Variants in RIT2 observed in about 807,000 individuals in gnomAD.
The protein encoded by RIT2 is Ras like without CAAX 2.
Under a neutral mutation model 23.7 loss-of-function variants are expected in RIT2, and 24 were observed. The observed-to-expected ratio is 1.01, with a 90% confidence interval of 0.73 to 1.43. The LOEUF (loss-of-function observed/expected upper bound fraction) is 1.43. Ranked by LOEUF, RIT2 falls within the 40% of genes most tolerant of loss-of-function variation. The probability of loss-of-function intolerance (pLI) is 0.00; values close to 1 mark genes in which losing one functional copy is unlikely to be tolerated. For missense variants in RIT2, 236 were observed against 266.9 expected, an observed-to-expected ratio of 0.88 and a Z score of 0.81; for synonymous variants, 107 against 91.1, an observed-to-expected ratio of 1.17 and a Z score of -0.99.
intron 4 of RIT2, among the ~76,000 whole-genome samples, chr18:42,807,508 TGAG>T (rs1333895751): frequency 6.6e-6 from 1 of 152,008 alleles, no homozygotes; most frequent in Non-Finnish European, 1.5e-5. Context: ...TCCCAACTAC[TGAG>T]GAGGCGAAGG....
At chr18:43,088,308 C>T (rs1913334119) in intron 1 of RIT2, among the ~76,000 whole-genome samples, 1 of 152,094 alleles carries the variant, frequency 6.6e-6, no homozygotes, top group Non-Finnish European at 1.5e-5. Context: ...AACAATGAAG[C>T]CAAATTACAA....
intron 3 of RIT2, among the ~76,000 whole-genome samples, chr18:42,963,557 T>A (rs1278909586): frequency 6.6e-6 from 1 of 152,226 alleles, no homozygotes. Context: ...AACATTTTTA[T>A]AATACCTTTC....
chr18:43,086,067 T>C (rs1164012235), intron 1 of RIT2, among the ~76,000 whole-genome samples: 2 of 152,192 alleles, frequency 1.3e-5, no homozygotes, highest in African/African-American at 4.8e-5. Flanking sequence ...TGGAGTAATA[T>C]ATTCAGAATG....
intron 4 of RIT2, among the ~76,000 whole-genome samples, chr18:42,889,625 T>C (rs1246421986): frequency 6.6e-6 from 1 of 152,116 alleles, no homozygotes; most frequent in Non-Finnish European, 1.5e-5. Context: ...TGTAATGGAT[T>C]AGTGATAGCA....
At chr18:42,821,433 G>A (rs569115149) in intron 4 of RIT2, among the ~76,000 whole-genome samples, 1 of 152,196 alleles carries the variant, frequency 6.6e-6, no homozygotes, top group South Asian at 2.1e-4. Flanking sequence ...TGGATGATAA[G>A]GCCGTAACTG....
chr18:42,839,732 T>C (rs1906712681), intron 4 of RIT2, among the ~76,000 whole-genome samples: 1 of 152,134 alleles, frequency 6.6e-6, no homozygotes, highest in African/African-American at 2.4e-5. Context: ...CACCATGCAA[T>C]ATTTAAGACT....
intron 1 of RIT2, among the ~76,000 whole-genome samples, chr18:43,048,089 G>A (rs1306295333): frequency 6.6e-6 from 1 of 152,156 alleles, no homozygotes; most frequent in Non-Finnish European, 1.5e-5. Flanking sequence ...CTGTCACAAT[G>A]TGTGTTATGC....
chr18:42,797,001 T>C (rs962620030), intron 4 of RIT2, among the ~76,000 whole-genome samples: 4 of 152,176 alleles, frequency 2.6e-5, no homozygotes, highest in Admixed American at 2.0e-4. Flanking sequence ...ATCTTAGATA[T>C]CTCTAAATCC....
intron 4 of RIT2, among the ~76,000 whole-genome samples, chr18:42,900,955 C>T (rs1908460220): frequency 6.6e-6 from 1 of 151,938 alleles, no homozygotes; most frequent in Middle Eastern, 3.4e-3. Context: ...ATTTTTATAT[C>T]ACGGTTAAAA....
chr18:42,921,185 A>G (rs1239277286), intron 4 of RIT2, among the ~76,000 whole-genome samples: 2 of 152,082 alleles, frequency 1.3e-5, no homozygotes, highest in South Asian at 4.1e-4. Context: ...AGAAAAAACC[A>G]CTCTGCAGTT....
intron 2 of RIT2, among the ~76,000 whole-genome samples, chr18:43,016,572 C>G (rs1568056750): frequency 6.6e-6 from 1 of 151,746 alleles, no homozygotes; most frequent in African/African-American, 2.4e-5. Context: ...CCCCCACCCT[C>G]TGCCCCAGGT....
chr18:42,943,258 G>A (rs73473657), intron 3 of RIT2, among the ~76,000 whole-genome samples: 1,644 of 151,966 alleles, frequency 0.011, 27 homozygotes, highest in African/African-American at 0.037. Context: ...TGCATTTTAC[G>A]GAATGCTGAT....
chr18:43,029,907 C>T (rs1237670526), intron 2 of RIT2, among the ~76,000 whole-genome samples: 1 of 151,768 alleles, frequency 6.6e-6, no homozygotes, highest in Non-Finnish European at 1.5e-5. Context: ...TATAAAAGAC[C>T]ACTAGAACAC....
chr18:42,884,829 A>G (rs1907979951), intron 4 of RIT2, among the ~76,000 whole-genome samples: 1 of 152,254 alleles, frequency 6.6e-6, no homozygotes, highest in South Asian at 2.1e-4. Context: ...TGGATATCAC[A>G]TAAGACCACC....
intron 2 of RIT2, among the ~76,000 whole-genome samples, chr18:43,027,411 A>G (rs1226206360): frequency 6.6e-6 from 1 of 152,114 alleles, no homozygotes; most frequent in Non-Finnish European, 1.5e-5. Flanking sequence ...TGTTTTGAGC[A>G]AGATTTTTGA....
rs76993365 is a variant in RIT2, at chr18:42,796,661, C to A, written c.427-52941G>T. Among the ~76,000 whole-genome samples the A allele has an allele frequency of 9.0e-3, 1,369 of 152,310 alleles. 20 individuals carry two copies. Among genetic ancestry groups the A allele is most frequent in the Non-Finnish European group, 0.015 (990 of 68,034 alleles). ...GCGCTTCTTGGCTATATATTTCTAC[C>A]TGCCCATGTTGTATTTGGAATTGAG... is the stretch of plus-strand genomic sequence containing the variant. On this transcript the variant is annotated intron_variant, in intron 4 of 4. Transcript: ENST00000326695.
At chr18:42,783,410 T>C (rs1162360099) in intron 4 of RIT2, among the ~76,000 whole-genome samples, 1 of 152,116 alleles carries the variant, frequency 6.6e-6, no homozygotes, top group East Asian at 1.9e-4. Flanking sequence ...TTACATGAAA[T>C]GTTCCAAATT....
chr18:42,978,060 T>C (rs1910513249), intron 2 of RIT2, among the ~76,000 whole-genome samples: 1 of 151,870 alleles, frequency 6.6e-6, no homozygotes, highest in Non-Finnish European at 1.5e-5. Flanking sequence ...CCAAGGATTA[T>C]AAGTGAATCT....
At chr18:42,880,177 C>T (rs1415908946) in intron 4 of RIT2, among the ~76,000 whole-genome samples, 1 of 152,054 alleles carries the variant, frequency 6.6e-6, no homozygotes, top group Non-Finnish European at 1.5e-5. Context: ...GACTGGATCT[C>T]GTATTATAGG....
Sources: allele counts gnomAD v4.1 joint callset (sites outside exome capture counted in the v4.1 genomes callset), GRCh38; gene constraint gnomAD v4.1.1; transcripts MANE v1.5; gene names NCBI Gene and HGNC (gene_info 2026-07-23, HGNC 2026-07-21).